Variants in LPP observed in about 807,000 individuals in gnomAD.
The protein encoded by LPP is lipoma-preferred partner.
In LPP, 38 loss-of-function variants were observed where a neutral mutation model predicts 60.4. That is an observed-to-expected ratio of 0.63 (90% CI 0.49 to 0.83). The LOEUF (loss-of-function observed/expected upper bound fraction) is 0.83, where lower values mean the gene tolerates loss of function less well. LPP is among the 40% of genes least tolerant of loss of function. The pLI, the probability that LPP is intolerant of heterozygous loss-of-function variation, is 0.00. For synonymous variants in LPP, 328 were observed against 290.8 expected (o/e 1.13, Z -1.30); for missense variants, 902 against 783.6 (o/e 1.15, Z -1.80).
intron 2 of LPP, among the ~76,000 whole-genome samples, chr3:188,329,938 C>A (rs1759528448): frequency 6.6e-6 from 1 of 152,150 alleles, no homozygotes; most frequent in Non-Finnish European, 1.5e-5. Context: ...AAGCAATTAT[C>A]ATCCTTTATA....
At chr3:188,400,686 C>A (rs1457393510) in intron 3 of LPP, among the ~76,000 whole-genome samples, 1 of 152,186 alleles carries the variant, frequency 6.6e-6, no homozygotes, top group Non-Finnish European at 1.5e-5. Context: ...AGGGCCACTG[C>A]TCTTGCTTTC....
At chr3:188,767,006 G>A (rs752546611) in intron 9 of LPP, among the ~76,000 whole-genome samples, 12 of 152,138 alleles carry the variant, frequency 7.9e-5, no homozygotes, top group South Asian at 2.1e-4. Flanking sequence ...TATACAGTCC[G>A]TTTTAAATAT....
chr3:188,872,959 G>A (rs1257289028), intron 11 of LPP, among the ~76,000 whole-genome samples, 196 bp downstream of exon 11: 1 of 152,162 alleles, frequency 6.6e-6, no homozygotes, highest in Non-Finnish European at 1.5e-5. Context: ...CTCTCAGTCT[G>A]CTTGCTCACC....
intron 2 of LPP, among the ~76,000 whole-genome samples, chr3:188,280,685 T>C (rs1181760154): frequency 6.6e-6 from 1 of 151,918 alleles, no homozygotes. Flanking sequence ...AAGGAAGTAG[T>C]GTTCACCAAG....
intron 6 of LPP, among the ~76,000 whole-genome samples, chr3:188,576,383 G>C (rs964054421): frequency 1.3e-5 from 2 of 152,138 alleles, no homozygotes; most frequent in Admixed American, 1.3e-4. Flanking sequence ...GTAGAATGTT[G>C]AGTGGTTCAT....
At chr3:188,866,143 A>G (rs1240548450) in intron 9 of LPP, 57 bp from the exon 10 acceptor site, 2 of 1,337,100 alleles carry the variant, frequency 1.5e-6, no homozygotes, top group African/African-American at 1.5e-5. Flanking sequence ...GATGCCTGTC[A>G]TGCAGTATGG....
chr3:188,865,738 A>G (rs534788119), intron 9 of LPP, among the ~76,000 whole-genome samples: 3 of 152,168 alleles, frequency 2.0e-5, no homozygotes, highest in Admixed American at 6.5e-5. Context: ...ATATGCTTGC[A>G]TGCTATGACT....
intron 5 of LPP, among the ~76,000 whole-genome samples, chr3:188,506,215 A>G (rs1813405954): frequency 6.6e-6 from 1 of 152,184 alleles, no homozygotes; most frequent in African/African-American, 2.4e-5. Flanking sequence ...TAGGGCTAAG[A>G]AACCCTGCTC....
intron 1 of LPP, among the ~76,000 whole-genome samples, chr3:188,160,778 C>G (rs964551526): frequency 4.6e-5 from 7 of 152,228 alleles, no homozygotes; most frequent in Non-Finnish European, 8.8e-5. Context: ...GAGATAGGCT[C>G]TGCCTTCCAG....
intron 8 of LPP, among the ~76,000 whole-genome samples, chr3:188,757,897 T>G (rs201858566): frequency 1.0e-4 from 15 of 144,310 alleles, no homozygotes; most frequent in East Asian, 5.9e-4. Flanking sequence ...TGGTTTTTTT[T>G]TTTTTTTTTT....
chr3:188,177,241 C>A (rs549540222), intron 1 of LPP, among the ~76,000 whole-genome samples: 19 of 152,328 alleles, frequency 1.2e-4, no homozygotes, highest in African/African-American at 4.3e-4. Flanking sequence ...GAGATGCCCT[C>A]ATTTTCATGG....
Position 188,858,740 on chromosome 3 carries a change from G to A in LPP, c.1411-7460G>A, listed in dbSNP as rs188302581. On this transcript the variant is annotated intron_variant, in intron 9 of 11. Transcript: ENST00000617246. ...AAACAGAAAATTTTATAAGAAAATT[G>A]TTTTTCTAAATTTTATTTTGATAGT... Among the ~76,000 whole-genome samples, 176 of 152,184 alleles carry A rather than the reference G, an allele frequency of 1.2e-3. 1 individual carries two copies. The highest frequency in any genetic ancestry group is 2.7e-3 in the Admixed American group (41 of 15,288).
At chr3:188,570,023 CTT>C (rs5855208) in intron 6 of LPP, among the ~76,000 whole-genome samples, 57 of 145,746 alleles carry the variant, frequency 3.9e-4, no homozygotes, top group Admixed American at 4.8e-4. Context: ...AGTTTAATGG[CTT>C]TTTTTTTTTT....
intron 9 of LPP, among the ~76,000 whole-genome samples, chr3:188,852,902 G>A (rs1762990690): frequency 6.6e-6 from 1 of 152,152 alleles, no homozygotes; most frequent in East Asian, 1.9e-4. Context: ...CAGCACTTTG[G>A]GAGGCCAAGG....
intron 2 of LPP, among the ~76,000 whole-genome samples, chr3:188,265,276 C>A (rs1383970409): frequency 6.6e-6 from 1 of 152,166 alleles, no homozygotes; most frequent in Non-Finnish European, 1.5e-5. Context: ...AAAAGTTCAG[C>A]TATGGCCATG....
chr3:188,159,473 A>G (rs73887368), intron 1 of LPP, among the ~76,000 whole-genome samples: 2 of 152,242 alleles, frequency 1.3e-5, no homozygotes, highest in African/African-American at 2.4e-5. Context: ...TTCATCTTAC[A>G]TATTTGTGTG....
At chr3:188,227,986 G>A (rs1156528416) in intron 2 of LPP, among the ~76,000 whole-genome samples, 1 of 152,244 alleles carries the variant, frequency 6.6e-6, no homozygotes, top group Non-Finnish European at 1.5e-5. Context: ...TCTGGGTGCT[G>A]TTAGGAGAGG....
chr3:188,361,893 A>G (rs1417046656), intron 3 of LPP, among the ~76,000 whole-genome samples: 1 of 152,202 alleles, frequency 6.6e-6, no homozygotes, highest in Non-Finnish European at 1.5e-5. Context: ...AAGAAAACCT[A>G]TCTATTCCTC....
chr3:188,436,352 A>C (rs1792295752), intron 4 of LPP, among the ~76,000 whole-genome samples: 1 of 152,230 alleles, frequency 6.6e-6, no homozygotes. Context: ...TGAGGCTAAA[A>C]GAAACGGAGC....
Sources: gnomAD v4.1 joint callset for allele counts (sites outside exome capture counted in the v4.1 genomes callset) on GRCh38, gnomAD v4.1.1 for gene constraint, MANE v1.5 for transcripts, NCBI Gene and HGNC (gene_info 2026-07-23, HGNC 2026-07-21) for gene names.